CDH13: variants seen among roughly 807,000 people sequenced by gnomAD.
The protein encoded by CDH13 is cadherin 13, also known as cadherin-13.
A neutral mutation model predicts 63.8 loss-of-function variants in CDH13; 24 were observed. That is an observed-to-expected ratio of 0.38 (90% CI 0.27 to 0.53). CDH13 has a LOEUF of 0.53. Ranked by LOEUF, CDH13 falls within the 20% of genes least tolerant of loss-of-function variation. CDH13 has a pLI of 0.85. For synonymous variants in CDH13, 503 were observed against 355.3 expected (o/e 1.42, Z -4.67); for missense variants, 1,049 against 903.1 (o/e 1.16, Z -2.07).
intron 7 of CDH13, among the ~76,000 whole-genome samples, chr16:83,579,225 C>T (rs138434147): frequency 9.9e-5 from 15 of 152,282 alleles, no homozygotes; most frequent in African/African-American, 3.1e-4. Context: ...CCTGGCTGGA[C>T]TAGGGGAGAG....
intron 2 of CDH13, among the ~76,000 whole-genome samples, chr16:82,895,563 C>G (rs890586574): frequency 6.6e-6 from 1 of 152,132 alleles, no homozygotes; most frequent in African/African-American, 2.4e-5. Flanking sequence ...TCAGGGTTCA[C>G]TCTTAATATT....
intron 4 of CDH13, among the ~76,000 whole-genome samples, chr16:83,170,513 C>T (rs75085365): frequency 0.062 from 9,477 of 152,130 alleles, 530 homozygotes; most frequent in African/African-American, 0.14. Flanking sequence ...CAATTTCCCC[C>T]AATTCCACTC....
intron 10 of CDH13, among the ~76,000 whole-genome samples, chr16:83,693,496 G>A (rs1355730511): frequency 6.6e-6 from 1 of 152,120 alleles, no homozygotes; most frequent in African/African-American, 2.4e-5. Context: ...AGCCAGCCCC[G>A]GGTACCTCAC....
chr16:82,701,547 G>C (rs1223269613), intron 1 of CDH13, among the ~76,000 whole-genome samples: 1 of 152,070 alleles, frequency 6.6e-6, no homozygotes, highest in South Asian at 2.1e-4. Flanking sequence ...TTTCATGAAG[G>C]CTAGACCTTA....
intron 10 of CDH13, among the ~76,000 whole-genome samples, chr16:83,687,157 G>A (rs1904384759): frequency 6.6e-6 from 1 of 152,104 alleles, no homozygotes; most frequent in Non-Finnish European, 1.5e-5. Context: ...AGGTTGCAGT[G>A]AGCCAAGATC....
chr16:83,260,195 T>C (rs999503652), intron 5 of CDH13, among the ~76,000 whole-genome samples: 1 of 151,860 alleles, frequency 6.6e-6, no homozygotes, highest in African/African-American at 2.4e-5. Context: ...TGGTGCTTTG[T>C]AGTTTCTCTT....
chr16:83,089,406 A>G (rs1447270180), intron 3 of CDH13, among the ~76,000 whole-genome samples: 1 of 152,252 alleles, frequency 6.6e-6, no homozygotes, highest in Admixed American at 6.5e-5. Flanking sequence ...CCATTAGGGC[A>G]CAATAGTGAA....
chr16:83,724,441 G>A (rs1047253366), intron 10 of CDH13, among the ~76,000 whole-genome samples: 9 of 150,310 alleles, frequency 6.0e-5, no homozygotes, highest in African/African-American at 9.9e-5. Flanking sequence ...TGCATGGGTG[G>A]ATGATGAATG....
chr16:83,298,273 G>C (rs796834877), intron 5 of CDH13, among the ~76,000 whole-genome samples: 7 of 151,866 alleles, frequency 4.6e-5, no homozygotes, highest in African/African-American at 1.7e-4. Flanking sequence ...GATGAGACGA[G>C]ATGAGAAAAG....
At chr16:83,622,240 A>G (rs1909880980) in intron 8 of CDH13, among the ~76,000 whole-genome samples, 1 of 152,102 alleles carries the variant, frequency 6.6e-6, no homozygotes, top group African/African-American at 2.4e-5. Context: ...TTAGGACGAT[A>G]CCTGAGACTT....
At chr16:83,244,695 A>T (rs1904809003) in intron 5 of CDH13, among the ~76,000 whole-genome samples, 1 of 152,162 alleles carries the variant, frequency 6.6e-6, no homozygotes, top group East Asian at 1.9e-4. Context: ...TTCCAAGCAA[A>T]ATCAGCATTA....
rs150397697 is a variant in CDH13 at position 83,595,072 on chromosome 16, G to A, written c.961-7382G>A. On this transcript the variant is annotated intron_variant, in intron 7 of 13. Coordinates refer to ENST00000567109, the MANE Select transcript of CDH13 (RefSeq NM_001257.5). ...ATGCATGACTGCAGAACTCAAACCA[G>A]GAGAGCAGCTTGACTCTCTTAGATA... Among the ~76,000 whole-genome samples the A allele has an allele frequency of 1.2e-3, 180 of 152,292 alleles. 3 individuals carry two copies. The East Asian group carries it at 0.034, about 29-fold the overall frequency.
At chr16:83,256,350 A>G (rs1330654640) in intron 5 of CDH13, among the ~76,000 whole-genome samples, 1 of 152,120 alleles carries the variant, frequency 6.6e-6, no homozygotes, top group Admixed American at 6.5e-5. Flanking sequence ...GATTTTTTAA[A>G]AATAAGTAAA....
chr16:83,592,095 C>A (rs1906815132), intron 7 of CDH13, among the ~76,000 whole-genome samples: 1 of 152,158 alleles, frequency 6.6e-6, no homozygotes. Flanking sequence ...TGTGCTTACC[C>A]CATCTCATTG....
intron 2 of CDH13, among the ~76,000 whole-genome samples, chr16:83,012,173 T>G (rs1185926698): frequency 6.6e-6 from 1 of 152,208 alleles, no homozygotes; most frequent in African/African-American, 2.4e-5. Flanking sequence ...AAATATGTGT[T>G]ATAGTTTAAA....
At chr16:83,726,202 CAGTT>C (rs1910364171) in intron 10 of CDH13, 1 of 152,270 alleles carries the variant, frequency 6.6e-6, no homozygotes, top group Non-Finnish European at 1.5e-5. Context: ...CATAATGTAT[CAGTT>C]AGAAGGCACC....
chr16:83,598,461 G>A (rs1907477526), intron 7 of CDH13, among the ~76,000 whole-genome samples: 1 of 152,162 alleles, frequency 6.6e-6, no homozygotes, highest in South Asian at 2.1e-4. Context: ...AGAAAACGAT[G>A]TATTCATAAA....
At chr16:83,151,949 AAAAAG>A (rs1380280296) in intron 4 of CDH13, among the ~76,000 whole-genome samples, 1 of 152,186 alleles carries the variant, frequency 6.6e-6, no homozygotes, top group Non-Finnish European at 1.5e-5. Flanking sequence ...GCAACAAAAA[AAAAAG>A]AAAAGGAAAA....
At chr16:83,515,384 G>A (rs1483834548) in intron 7 of CDH13, among the ~76,000 whole-genome samples, 1 of 152,134 alleles carries the variant, frequency 6.6e-6, no homozygotes, top group Non-Finnish European at 1.5e-5. Context: ...ATGCACTCAC[G>A]AAGAGTTAAC....
Sources: gnomAD v4.1 joint callset for allele counts (sites outside exome capture counted in the v4.1 genomes callset) on GRCh38, gnomAD v4.1.1 for gene constraint, MANE v1.5 for transcripts, NCBI Gene and HGNC (gene_info 2026-07-23, HGNC 2026-07-21) for gene names.